Variants in GEMIN5 observed in about 807,000 individuals in gnomAD.
GEMIN5 encodes gem-associated protein 5.
In GEMIN5, 124 loss-of-function variants were observed where a neutral mutation model predicts 176.9. That is an observed-to-expected ratio of 0.70 (90% CI 0.61 to 0.81). The LOEUF is 0.81. GEMIN5 is among the 40% of genes least tolerant of loss of function. GEMIN5 has a pLI of 0.00. For synonymous variants in GEMIN5, 673 were observed against 665.2 expected, an observed-to-expected ratio of 1.01 and a Z score of -0.18; for missense variants, 1,843 against 1,814.6, an observed-to-expected ratio of 1.02 and a Z score of -0.28.
rs779178367 is a variant in GEMIN5 at position 154,937,033 on chromosome 5, G to C, written c.319C>G (p.Leu107Val). 10 of 1,613,028 alleles carry C rather than the reference G, an allele frequency of 6.2e-6. No homozygotes were observed. Among genetic ancestry groups the C allele is most frequent in the South Asian group, 3.3e-5 (3 of 90,968 alleles). ...ETKTVVTEHA[L>V]HQHTISTLHW... The stretch of plus-strand genomic sequence containing the variant: ...CCAGTAAGCCATGGTACCTGATGGA[G>C]TGCATGTTCTGTCACAACTGTTTTT... Residue 107 changes from leucine to valine, a missense_variant, in exon 2 of 28, where the codon CTC becomes GTC. Coordinates refer to ENST00000285873, the MANE Select transcript of GEMIN5 (RefSeq NM_015465.5).
chr5:154,901,219 T>C, intron 21 of GEMIN5, 120 bp downstream of exon 21: 1 of 938,580 alleles, frequency 1.1e-6, no homozygotes, highest in Non-Finnish European at 1.6e-6. Context: ...TAGTCCCAGT[T>C]ACTCAGGGGG....
At position 154,928,746 on chromosome 5, in the gene GEMIN5, C is replaced by T. The variant is rs367596811; in HGVS notation, c.782-87G>A. The T allele has an allele frequency of 6.8e-6, 8 of 1,176,400 alleles. No homozygotes were observed. In the African/African-American group the frequency reaches 1.1e-4, roughly 16 times the overall value. The allele number at this position is 1,176,400 out of a possible 1,614,324, so 72.9% of individuals were successfully genotyped here. A position where few individuals can be genotyped will look rare whatever the true frequency, so the allele number is the denominator to read the frequency against. On this transcript the variant is annotated intron_variant, in intron 5 of 27. Coordinates refer to ENST00000285873, the MANE Select transcript of GEMIN5 (RefSeq NM_015465.5). ...CCGGTGGTTCATAACACACAGTCTG[C>T]GCTGTAAAAGCTTGTTAGTTTGGCT...
At chr5:154,898,783 C>T (rs746185572) in intron 22 of GEMIN5, 133 bp from the exon 23 acceptor site, 13 of 736,416 alleles carry the variant, frequency 1.8e-5, no homozygotes, top group African/African-American at 1.2e-4. Context: ...GTCACTGCCC[C>T]GGTTGTTCCT....
In GEMIN5 at chr5:154,935,964, T is replaced by A; in HGVS notation, c.386A>T (p.Asp129Val). ...GTAACAGAAAACTACTCCTTTTTCA[T>A]CCCCAGATACTATTAAGTCCTTTAC... ...PRVKDLIVSG[D>V]EKGVVFCYWF... The change falls in exon 3 of 28, where the codon GAT becomes GTT. Residue 129 changes from aspartate to valine, a missense_variant. Asp to Val is a radical substitution (Grantham distance 152). Transcript: ENST00000285873. 1 of 1,611,828 alleles carries A rather than the reference T, an allele frequency of 6.2e-7. No homozygotes were observed. Among genetic ancestry groups the A allele is most frequent in the Non-Finnish European group, 8.5e-7 (1 of 1,178,096 alleles).
chr5:154,906,982 A>G (rs1158462739), intron 16 of GEMIN5, among the ~76,000 whole-genome samples: 2 of 152,184 alleles, frequency 1.3e-5, no homozygotes, highest in East Asian at 3.8e-4. Context: ...GTCCCGAGTA[A>G]ATGTACAAAA....
In GEMIN5 at chr5:154,887,890, C is replaced by G; in HGVS notation, c.*320G>C. The stretch of plus-strand genomic sequence containing the variant: ...TTTAAGCATGTAACACTTTGGGTGA[C>G]GACAGAAGTTTCTCCTCTTTGGGTG... On this transcript the variant is annotated 3_prime_UTR_variant, in exon 28 of 28. Transcript: ENST00000285873. The G allele has an allele frequency of 3.4e-6, 1 of 295,694 alleles. No homozygotes were observed. 18.3% of individuals were successfully genotyped at this position (295,694 alleles called of 1,614,324 possible). A position where few individuals can be genotyped will look rare whatever the true frequency, so the allele number is the denominator to read the frequency against.
intron 15 of GEMIN5, among the ~76,000 whole-genome samples, chr5:154,909,504 G>A (rs1393226021): frequency 6.6e-6 from 1 of 151,814 alleles, no homozygotes; most frequent in Non-Finnish European, 1.5e-5. Context: ...TTACTGAGGG[G>A]TAATATAATA....
At position 154,888,476 on chromosome 5, in the gene GEMIN5, A is replaced by G. The variant is rs530205307; in HGVS notation, c.4360-99T>C. ...CAGTCACTCAGGTTCATCTATAGAC[A>G]CTTCTTGGACACAGCTGAGCCAGCT... On this transcript the variant is annotated intron_variant, in intron 27 of 27. Transcript: ENST00000285873. 26 of 933,654 alleles carry G rather than the reference A, an allele frequency of 2.8e-5. No individual in the cohort carries two copies. The East Asian group carries it at 5.6e-4, about 20-fold the overall frequency. The allele number at this position is 933,654 out of a possible 1,614,324, so 57.8% of individuals were successfully genotyped here. A position where few individuals can be genotyped will look rare whatever the true frequency, so the allele number is the denominator to read the frequency against.
At chr5:154,907,465 A>AAC in intron 16 of GEMIN5, 126 bp downstream of exon 16, 2 of 672,180 alleles carry the variant, frequency 3.0e-6, no homozygotes, top group Non-Finnish European at 5.0e-6. Flanking sequence ...TTAACAAAAA[A>AAC]AACTAATGCT....
At chr5:154,921,702 T>C (rs1763925618) in intron 9 of GEMIN5, among the ~76,000 whole-genome samples, 1 of 152,204 alleles carries the variant, frequency 6.6e-6, no homozygotes, top group Non-Finnish European at 1.5e-5. Flanking sequence ...AATGTTACTC[T>C]TACCCATCTA....
rs1444093351 is a variant in GEMIN5 at position 154,907,695 on chromosome 5, T to C, written c.2291A>G (p.Glu764Gly). ...KLESIDGNEEESMKENSGPVE... is the reference protein window; with the variant it reads ...KLESIDGNEEGSMKENSGPVE... ...AGGTCCTGAGTTCTCCTTCATGCTTTCTTCTTCATTTCCATCAATCGATTC... is the reference window on the plus strand; with the variant it reads ...AGGTCCTGAGTTCTCCTTCATGCTTCCTTCTTCATTTCCATCAATCGATTC... The change falls in exon 16 of 28, where the codon GAA becomes GGA. Residue 764 changes from glutamate (E) to glycine (G), a missense_variant. Coordinates refer to ENST00000285873, the MANE Select transcript of GEMIN5 (RefSeq NM_015465.5). 1 of 1,614,008 alleles carries C rather than the reference T, an allele frequency of 6.2e-7. No individual in the cohort carries two copies.
At chr5:154,889,716 A>G (rs1425870980) in intron 26 of GEMIN5, among the ~76,000 whole-genome samples, 2 of 152,190 alleles carry the variant, frequency 1.3e-5, no homozygotes, top group Non-Finnish European at 2.9e-5. Flanking sequence ...GTCTCTATAA[A>G]TTTAACTATT....
intron 6 of GEMIN5, among the ~76,000 whole-genome samples, chr5:154,927,890 C>T (rs1055598888): frequency 9.9e-5 from 15 of 151,766 alleles, no homozygotes; most frequent in African/African-American, 3.6e-4. Flanking sequence ...ACTTGGGAGG[C>T]TGAGGTGGGA....
intron 14 of GEMIN5, among the ~76,000 whole-genome samples, 197 bp downstream of exon 14, chr5:154,912,702 G>T (rs999093417): frequency 1.0e-4 from 15 of 146,732 alleles, no homozygotes; most frequent in Non-Finnish European, 1.9e-4. Context: ...CTTCATCTAA[G>T]TAACAAAAAA....
intron 15 of GEMIN5, among the ~76,000 whole-genome samples, chr5:154,910,683 G>T (rs1763682101): frequency 6.6e-6 from 1 of 152,140 alleles, no homozygotes; most frequent in South Asian, 2.1e-4. Context: ...GCCAGGAATG[G>T]AATTTTCCTC....
intron 24 of GEMIN5, among the ~76,000 whole-genome samples, chr5:154,893,754 GT>G (rs1000368141): frequency 6.6e-6 from 1 of 151,206 alleles, no homozygotes; most frequent in Non-Finnish European, 1.5e-5. Flanking sequence ...CTTCTTCTTT[GT>G]TTTTTTGAGA....
chr5:154,902,603 A>G lies in GEMIN5; in HGVS notation c.2802T>C (p.Gly934=), dbSNP rs34791646. ...QLMLWKGDLK[G]VLQTAAERGE... is the part of the protein sequence containing the mutation. Reference sequence around the variant, plus strand: ...CTCTTTCTGCTGCAGTCTGGAGAACACCTTTGAGATCTCCTTTCCAAAGCA... The same window carrying G: ...CTCTTTCTGCTGCAGTCTGGAGAACGCCTTTGAGATCTCCTTTCCAAAGCA... The change falls in exon 20 of 28, where the codon GGT becomes GGC. Residue 934 remains glycine (G), a synonymous_variant. Coordinates refer to ENST00000285873, the MANE Select transcript of GEMIN5 (RefSeq NM_015465.5). 3,205 of 1,613,472 alleles carry G rather than the reference A, an allele frequency of 2.0e-3. 46 individuals carry two copies. The African/African-American group carries it at 0.033, about 16-fold the overall frequency.
At chr5:154,897,761 T>C (rs1056792066) in intron 23 of GEMIN5, among the ~76,000 whole-genome samples, 3 of 152,072 alleles carry the variant, frequency 2.0e-5, no homozygotes, top group Non-Finnish European at 4.4e-5. Flanking sequence ...TTTCCATAGC[T>C]TACAGTTAAG....
At chr5:154,934,871 C>T (rs1764236425) in intron 3 of GEMIN5, among the ~76,000 whole-genome samples, 1 of 152,186 alleles carries the variant, frequency 6.6e-6, no homozygotes, top group Admixed American at 6.5e-5. Flanking sequence ...CCAGTTTCAA[C>T]CCCATGATGA....
Sources: allele counts gnomAD v4.1 joint callset (sites outside exome capture counted in the v4.1 genomes callset), GRCh38; gene constraint gnomAD v4.1.1; transcripts MANE v1.5; gene names NCBI Gene and HGNC (gene_info 2026-07-23, HGNC 2026-07-21).